The following ACOT11 variants were observed in gnomAD, a reference collection of about 807,000 sequenced individuals.
ACOT11 encodes the protein acyl-CoA thioesterase 11, also known as acyl-coenzyme A thioesterase 11.
Under a neutral mutation model 77.5 loss-of-function variants are expected in ACOT11, and 69 were observed. The observed-to-expected ratio is 0.89, with a 90% CI of 0.73 to 1.09. ACOT11 has a LOEUF of 1.09. ACOT11 is among the 50% of genes least tolerant of loss of function. The pLI is 0.00. For missense variants in ACOT11, 766 were observed against 813.7 expected (o/e 0.94, Z 0.71); for synonymous variants, 279 against 313.0 (o/e 0.89, Z 1.15).
chr1:54,581,526 T>C (rs1438015173), intron 1 of ACOT11, among the ~76,000 whole-genome samples: 6 of 152,188 alleles, frequency 3.9e-5, no homozygotes, highest in Non-Finnish European at 8.8e-5. Context: ...GACATGACTC[T>C]GGCTCAGGAG....
intron 4 of ACOT11, among the ~76,000 whole-genome samples, chr1:54,593,335 G>GGTGC (rs1314447196): frequency 6.6e-6 from 1 of 151,850 alleles, no homozygotes; most frequent in African/African-American, 2.4e-5. Context: ...GGAGTGCAGT[G>GGTGC]GTGCCATCAT....
chr1:54,593,774 G>A (rs1450825691), intron 4 of ACOT11, among the ~76,000 whole-genome samples, 167 bp from the exon 5 acceptor site: 1 of 152,198 alleles, frequency 6.6e-6, no homozygotes, highest in Admixed American at 6.5e-5. Flanking sequence ...CCCAAGGGCA[G>A]AGTCAAACCC....
chr1:54,614,752 C>T, downstream of ACOT11: 2 of 1,614,044 alleles, frequency 1.2e-6, no homozygotes, highest in Non-Finnish European at 1.7e-6. Context: ...TTTAAGATGT[C>T]AGCGTTGATC....
At chr1:54,616,721 TTA>T (rs1644177563) in intron 15 of ACOT11, among the ~76,000 whole-genome samples, 1 of 152,204 alleles carries the variant, frequency 6.6e-6, no homozygotes, top group African/African-American at 2.4e-5. Flanking sequence ...TTATAATTTT[TTA>T]TGTTTTTTCA....
intron 3 of ACOT11, among the ~76,000 whole-genome samples, chr1:54,589,338 T>TTTTTTG (rs1553163551): frequency 4.1e-5 from 6 of 146,828 alleles, no homozygotes; most frequent in Non-Finnish European, 3.0e-5. Context: ...TTTTTTTTTT[T>TTTTTTG]AGAGAAGGAT....
intron 6 of ACOT11, among the ~76,000 whole-genome samples, chr1:54,595,833 G>A (rs1015440095): frequency 7.2e-5 from 11 of 152,178 alleles, no homozygotes; most frequent in African/African-American, 2.7e-4. Flanking sequence ...GTTCAAATTT[G>A]AGTCTTCCTT....
intron 16 of ACOT11, among the ~76,000 whole-genome samples, chr1:54,633,020 A>G (rs796257993): frequency 5.8e-4 from 88 of 152,300 alleles, no homozygotes; most frequent in African/African-American, 1.9e-3. Context: ...CAATGCATGA[A>G]ATGGGGTATG....
exon 17 of ACOT11, chr1:54,637,109 T>C (rs1236910290): frequency 3.3e-5 from 5 of 152,392 alleles, no homozygotes; most frequent in Non-Finnish European, 7.3e-5. Flanking sequence ...TTAATAAATA[T>C]GTGGGTAAAT....
Position 54,599,380 on chromosome 1 carries a change from G to C in ACOT11, c.849G>C (p.Val283=), listed in dbSNP as rs759495198. 2.5e-6 allele frequency: 4 copies of C among 1,607,324 alleles called. No individual in the cohort carries two copies. Among genetic ancestry groups the C allele is most frequent in the Non-Finnish European group, 2.5e-6 (3 of 1,176,930 alleles). The part of the protein sequence containing the change: ...RGPSQVGDRL[V]LKAIVNNAFK... ...CGTCCCAGGTCGGCGACCGTCTGGT[G>C]CTCAAAGCCATCGTGAACAATGCCT... is the stretch of plus-strand genomic sequence containing the variant. The change falls in exon 8 of 16, where the codon GTG becomes GTC. Residue 283 remains valine (V), a synonymous_variant. Coordinates refer to ENST00000343744, the MANE Select transcript of ACOT11 (RefSeq NM_147161.4).
intron 6 of ACOT11, among the ~76,000 whole-genome samples, chr1:54,596,865 A>G (rs1224503742): frequency 2.6e-5 from 4 of 152,150 alleles, no homozygotes; most frequent in Non-Finnish European, 4.4e-5. Flanking sequence ...ATGAGCCATT[A>G]TGTCTGGCCT....
chr1:54,591,235 G>C (rs1192639579), intron 3 of ACOT11, among the ~76,000 whole-genome samples: 1 of 152,198 alleles, frequency 6.6e-6, no homozygotes, highest in Non-Finnish European at 1.5e-5. Context: ...TATTTATTGA[G>C]CTCCGGCTGT....
At chr1:54,556,884 T>C (rs2133003) in intron 1 of ACOT11, among the ~76,000 whole-genome samples, 40,085 of 151,824 alleles carry the variant, frequency 0.26, 5,526 homozygotes, top group Non-Finnish European at 0.29. Flanking sequence ...CATCTGGTCT[T>C]CACTGTAGAG....
chr1:54,593,830 C>G, intron 4 of ACOT11, 111 bp from the exon 5 acceptor site: 2 of 886,090 alleles, frequency 2.3e-6, no homozygotes, highest in East Asian at 5.0e-5. Flanking sequence ...GGTGCAGAAA[C>G]TCTGGAGGCC....
intron 16 of ACOT11, among the ~76,000 whole-genome samples, chr1:54,632,301 A>G (rs1185504955): frequency 6.6e-6 from 1 of 152,210 alleles, no homozygotes; most frequent in Non-Finnish European, 1.5e-5. Context: ...GTCCCCTGCC[A>G]CAGCCGGTAG....
At chr1:54,636,386 A>G (rs947402767) in exon 17 of ACOT11, 2 of 152,250 alleles carry the variant, frequency 1.3e-5, no homozygotes, top group Non-Finnish European at 1.5e-5. Flanking sequence ...TGCATCATAA[A>G]CAAGGTAAAG....
intron 8 of ACOT11, 55 bp from the exon 9 acceptor site, chr1:54,601,214 G>C (rs1643959374): frequency 6.3e-7 from 1 of 1,579,478 alleles, no homozygotes; most frequent in Admixed American, 1.7e-5. Context: ...TTGGGGAGGA[G>C]GCATGGCCCT....
chr1:54,633,255 G>T (rs930937119), intron 16 of ACOT11, among the ~76,000 whole-genome samples: 80 of 152,154 alleles, frequency 5.3e-4, no homozygotes, highest in African/African-American at 1.9e-3. Context: ...AGGTTTTAGA[G>T]AAATTAGTTG....
chr1:54,552,723 G>C (rs1653112539), intron 1 of ACOT11, among the ~76,000 whole-genome samples: 1 of 152,144 alleles, frequency 6.6e-6, no homozygotes, highest in Non-Finnish European at 1.5e-5. Flanking sequence ...CTGACCTCAG[G>C]TGTTCTGCCT....
downstream of ACOT11, among the ~76,000 whole-genome samples, chr1:54,614,176 T>C (rs1157039130): frequency 2.0e-5 from 3 of 152,204 alleles, no homozygotes; most frequent in African/African-American, 7.2e-5. Context: ...TCTCTCTCTT[T>C]GTAAACTGTA....
Sources: allele counts gnomAD v4.1 joint callset (sites outside exome capture counted in the v4.1 genomes callset), GRCh38; gene constraint gnomAD v4.1.1; transcripts MANE v1.5; gene names NCBI Gene and HGNC (gene_info 2026-07-23, HGNC 2026-07-21).